The following NCAM2 variants were observed in gnomAD, a reference collection of about 807,000 sequenced individuals.
The protein encoded by NCAM2 is N-CAM-2.
In NCAM2, 30 loss-of-function variants were observed where a neutral mutation model predicts 98.1. The observed-to-expected ratio is 0.31, with a 90% CI of 0.23 to 0.41. The LOEUF (loss-of-function observed/expected upper bound fraction) is 0.41. Among genes scored for constraint, NCAM2 ranks in the 10% least tolerant of loss-of-function variants. NCAM2 has a pLI of 1.00. For missense variants in NCAM2, 867 were observed against 1,005.8 expected, an observed-to-expected ratio of 0.86 and a Z score of 1.87; for synonymous variants, 368 against 342.4, an observed-to-expected ratio of 1.07 and a Z score of -0.83.
At chr21:21,291,362 C>CA (rs1264369588) in intron 4 of NCAM2, among the ~76,000 whole-genome samples, 1 of 151,742 alleles carries the variant, frequency 6.6e-6, no homozygotes, top group Non-Finnish European at 1.5e-5. Flanking sequence ...AGGGCAGACA[C>CA]AAAAAATAAT....
At position 21,073,626 on chromosome 21, in the gene NCAM2, C is replaced by T. The variant is rs1245604237; in HGVS notation, c.55+75008C>T. ...CCTGCACATGCTATGACATGTACAACAGAGGAGCTGTGTCTCTGATTTTCA... is the reference window on the plus strand; with the variant it reads ...CCTGCACATGCTATGACATGTACAATAGAGGAGCTGTGTCTCTGATTTTCA... On this transcript the variant is annotated intron_variant, in intron 1 of 17. Coordinates refer to ENST00000400546, the MANE Select transcript of NCAM2 (RefSeq NM_004540.5). Among the ~76,000 whole-genome samples, 3 of 152,202 alleles carry T rather than the reference C, an allele frequency of 2.0e-5. No individual in the cohort carries two copies. In the South Asian group the frequency reaches 6.2e-4, roughly 32 times the overall value.
chr21:21,442,082 C>A (rs558584480), intron 12 of NCAM2, among the ~76,000 whole-genome samples: 1 of 152,108 alleles, frequency 6.6e-6, no homozygotes, highest in Admixed American at 6.6e-5. Context: ...ATTGTAAGAT[C>A]GCACAGGACT....
At chr21:21,388,979 A>G (rs963476328) in intron 9 of NCAM2, among the ~76,000 whole-genome samples, 1 of 152,230 alleles carries the variant, frequency 6.6e-6, no homozygotes, top group African/African-American at 2.4e-5. Flanking sequence ...GATCCATGCT[A>G]CATTCTAATG....
chr21:21,444,590 C>T (rs1312912210), intron 12 of NCAM2, among the ~76,000 whole-genome samples: 1 of 152,012 alleles, frequency 6.6e-6, no homozygotes, highest in Non-Finnish European at 1.5e-5. Context: ...GGAATTTATC[C>T]ATTTCTTCTA....
intron 1 of NCAM2, among the ~76,000 whole-genome samples, chr21:21,142,447 C>T (rs540024964): frequency 3.6e-5 from 5 of 137,918 alleles, no homozygotes; most frequent in South Asian, 4.7e-4. Context: ...GGCGCAATCT[C>T]GGCTCACTGC....
intron 1 of NCAM2, among the ~76,000 whole-genome samples, chr21:21,157,739 A>G (rs757952454): frequency 6.6e-6 from 1 of 152,148 alleles, no homozygotes; most frequent in Non-Finnish European, 1.5e-5. Flanking sequence ...TTTACTACAC[A>G]GTTTCTGCTT....
Position 21,430,792 on chromosome 21 carries a change from A to T in NCAM2, c.1481-1316A>T, listed in dbSNP as rs929992857. 1.2e-4 allele frequency among the ~76,000 whole-genome samples: 18 copies of T among 152,010 alleles called. 1 individual carries two copies. Among genetic ancestry groups the T allele is most frequent in the Non-Finnish European group, 2.2e-4 (15 of 67,982 alleles). ...GCCAGGCACTGTGGCTCACTCCTGT[A>T]ATCCCAGCACTTTGGGAGGCCAAGG... On this transcript the variant is annotated intron_variant, in intron 11 of 17. Transcript: ENST00000400546.
intron 15 of NCAM2, among the ~76,000 whole-genome samples, chr21:21,502,438 A>G (rs1410766481): frequency 1.3e-5 from 2 of 151,922 alleles, no homozygotes; most frequent in Non-Finnish European, 2.9e-5. Flanking sequence ...ATGTCTATTG[A>G]CCTTAATCTA....
chr21:21,236,241 CA>C (rs1343259580), intron 1 of NCAM2, among the ~76,000 whole-genome samples: 1 of 152,010 alleles, frequency 6.6e-6, no homozygotes, highest in Non-Finnish European at 1.5e-5. Flanking sequence ...TGATCATAAT[CA>C]TAAATATAAT....
intron 15 of NCAM2, among the ~76,000 whole-genome samples, chr21:21,488,194 T>C (rs1020169505): frequency 6.6e-6 from 1 of 152,048 alleles, no homozygotes; most frequent in African/African-American, 2.4e-5. Context: ...TCAAGTTCTT[T>C]TTAAATTAAC....
chr21:21,166,277 A>G (rs1601545825), intron 1 of NCAM2, among the ~76,000 whole-genome samples: 1 of 152,084 alleles, frequency 6.6e-6, no homozygotes, highest in Non-Finnish European at 1.5e-5. Context: ...GCGCCATCTC[A>G]GCTCACTGCA....
At chr21:21,443,424 ATT>A (rs71769670) in intron 12 of NCAM2, among the ~76,000 whole-genome samples, 1 of 150,914 alleles carries the variant, frequency 6.6e-6, no homozygotes, top group African/African-American at 2.4e-5. Context: ...TAAAAGTATA[ATT>A]TTTTTTTTCT....
chr21:21,151,559 G>A (rs1386407110), intron 1 of NCAM2, among the ~76,000 whole-genome samples: 1 of 152,008 alleles, frequency 6.6e-6, no homozygotes, highest in East Asian at 1.9e-4. Flanking sequence ...TGTTAATTCT[G>A]TCAGGATTTC....
rs538388332 is a variant in NCAM2, at chr21:21,332,658, T to C, written c.738-2847T>C. ...CTCTGTTGTCTGTGCAGCTGTCTTC[T>C]CTCACATTATCTAACCTGCACCTTC... is the stretch of plus-strand genomic sequence containing the variant. On this transcript the variant is annotated intron_variant, in intron 6 of 17. Coordinates refer to ENST00000400546, the MANE Select transcript of NCAM2 (RefSeq NM_004540.5). 3.9e-5 allele frequency among the ~76,000 whole-genome samples: 6 copies of C among 152,280 alleles called. No homozygotes were observed. In the South Asian group the frequency reaches 1.2e-3, roughly 32 times the overall value.
intron 6 of NCAM2, among the ~76,000 whole-genome samples, chr21:21,327,832 G>A (rs1273172268): frequency 6.6e-6 from 1 of 152,118 alleles, no homozygotes; most frequent in African/African-American, 2.4e-5. Flanking sequence ...ACATCAATAA[G>A]ATAATTAAAG....
Position 21,256,081 on chromosome 21 carries a change from G to C in NCAM2, c.56-24497G>C, listed in dbSNP as rs113194163. The stretch of plus-strand genomic sequence containing the variant: ...TAAAAAATAATATTTCTGGCTGGGC[G>C]CAGTGGCTCACGCCTGTAATCCTAG... On this transcript the variant is annotated intron_variant, in intron 1 of 17. Transcript: ENST00000400546. 9.2e-3 allele frequency among the ~76,000 whole-genome samples: 1,405 copies of C among 152,128 alleles called. 29 individuals carry two copies. Among genetic ancestry groups the C allele is most frequent in the African/African-American group, 0.033 (1,357 of 41,522 alleles).
intron 1 of NCAM2, among the ~76,000 whole-genome samples, chr21:21,190,086 G>C (rs148412389): frequency 3.4e-4 from 52 of 152,268 alleles, no homozygotes; most frequent in Admixed American, 7.2e-4. Flanking sequence ...ACCAAATTTG[G>C]ACTATGCAGA....
At chr21:21,065,173 C>A (rs1198294167) in intron 1 of NCAM2, among the ~76,000 whole-genome samples, 2 of 151,800 alleles carry the variant, frequency 1.3e-5, no homozygotes, top group Non-Finnish European at 2.9e-5. Context: ...GAGTAAGACT[C>A]TCTCTCAAAA....
At chr21:21,244,803 C>T (rs752469945) in intron 1 of NCAM2, among the ~76,000 whole-genome samples, 65 of 143,312 alleles carry the variant, frequency 4.5e-4, no homozygotes, top group Middle Eastern at 7.2e-3. Context: ...GCCGAGATCG[C>T]GCCACTGCAC....
Sources: allele counts gnomAD v4.1 joint callset (sites outside exome capture counted in the v4.1 genomes callset), GRCh38; gene constraint gnomAD v4.1.1; transcripts MANE v1.5; gene names NCBI Gene and HGNC (gene_info 2026-07-23, HGNC 2026-07-21).